NUDT7: variants seen among roughly 807,000 people sequenced by gnomAD.
NUDT7 encodes the protein nudix hydrolase 7.
In NUDT7, 19 loss-of-function variants were observed where a neutral mutation model predicts 13.1. The ratio of observed to expected loss-of-function variants is 1.45; its 90% CI spans 1.01 to 2.13. The LOEUF (loss-of-function observed/expected upper bound fraction) is 2.13, where lower values mean the gene tolerates loss of function less well. Among genes scored for constraint, NUDT7 ranks in the 30% most tolerant of loss-of-function variants. The pLI is 0.00. For missense variants in NUDT7, 360 were observed against 291.7 expected (o/e 1.23, Z -1.71); for synonymous variants, 132 against 109.7 (o/e 1.20, Z -1.27).
At chr16:77,729,235 A>C (rs2014237123) in intron 2 of NUDT7, among the ~76,000 whole-genome samples, 2 of 152,220 alleles carry the variant, frequency 1.3e-5, no homozygotes, top group Non-Finnish European at 2.9e-5. Flanking sequence ...TTTTTTAAAA[A>C]CAAAATTAAA....
chr16:77,735,148 C>G (rs914955983), intron 2 of NUDT7, among the ~76,000 whole-genome samples: 1 of 152,090 alleles, frequency 6.6e-6, no homozygotes. Flanking sequence ...ATTATTCTTT[C>G]AGCTTTTTCC....
Position 77,723,189 on chromosome 16 carries a change from T to C in NUDT7, c.35+572T>C, listed in dbSNP as rs144269959. 7.6e-3 allele frequency among the ~76,000 whole-genome samples: 1,153 copies of C among 152,294 alleles called. 21 individuals carry two copies. Among genetic ancestry groups the C allele is most frequent in the African/African-American group, 0.026 (1,088 of 41,562 alleles). ...GATAACGTTTTTGCAGCCTTTTACT[T>C]TGGCTGGTTTGTCTGGTCAGTTCTG... On this transcript the variant is annotated intron_variant, in intron 1 of 3. Transcript: ENST00000268533.
chr16:77,727,320 G>C (rs951222499), intron 2 of NUDT7, among the ~76,000 whole-genome samples: 4 of 152,066 alleles, frequency 2.6e-5, no homozygotes, highest in Non-Finnish European at 5.9e-5. Context: ...TTTTTAAGCA[G>C]AATAATGAAA....
At chr16:77,726,932 CAG>C (rs1287239793) in intron 2 of NUDT7, among the ~76,000 whole-genome samples, 1 of 146,278 alleles carries the variant, frequency 6.8e-6, no homozygotes, top group Non-Finnish European at 1.5e-5. Flanking sequence ...GGAAAGGCCT[CAG>C]GGAGTGTACC....
chr16:77,741,357 T>TTCA, intron 3 of NUDT7: 1 of 496,184 alleles, frequency 2.0e-6, no homozygotes, highest in Non-Finnish European at 3.5e-6. Context: ...CTACTTTATG[T>TTCA]TCATACAAGA....
intron 2 of NUDT7, among the ~76,000 whole-genome samples, chr16:77,732,752 T>C (rs1250097458): frequency 6.6e-6 from 1 of 152,202 alleles, no homozygotes; most frequent in African/African-American, 2.4e-5. Flanking sequence ...AATCGCCTAA[T>C]GCATTTTTCA....
rs765223808 is a variant in NUDT7, at chr16:77,725,591, G to C, written c.189+7G>C. 3.7e-6 allele frequency: 6 copies of C among 1,611,632 alleles called. No individual in the cohort carries two copies. The South Asian group carries it at 5.5e-5, about 15-fold the overall frequency. ...CACCGTCCGGTCAGAGAAGGTAGGT[G>C]GACAAAAAATTTCCTGCCCTTAAAC... On this transcript the variant is annotated splice_region_variant and intron_variant, in intron 2 of 3. Transcript: ENST00000268533.
At chr16:77,741,542 C>A in intron 3 of NUDT7, 40 bp from the exon 4 acceptor site, 2 of 1,535,438 alleles carry the variant, frequency 1.3e-6, no homozygotes, top group Non-Finnish European at 1.7e-6. Context: ...AGCAGTATCA[C>A]TTCACTTCTT....
intron 3 of NUDT7, among the ~76,000 whole-genome samples, chr16:77,741,214 C>G (rs1354643755): frequency 6.6e-6 from 1 of 152,126 alleles, no homozygotes; most frequent in Admixed American, 6.5e-5. Flanking sequence ...GTTGTTGAAA[C>G]TAATTCTTCA....
At chr16:77,730,479 C>G (rs553383439) in intron 2 of NUDT7, among the ~76,000 whole-genome samples, 2 of 152,150 alleles carry the variant, frequency 1.3e-5, no homozygotes, top group East Asian at 3.9e-4. Context: ...AATAATATTC[C>G]TCTCTGTATA....
intron 2 of NUDT7, among the ~76,000 whole-genome samples, chr16:77,728,675 G>A (rs75500862): frequency 0.013 from 1,990 of 152,324 alleles, 42 homozygotes; most frequent in African/African-American, 0.046. Context: ...GCATGCCATA[G>A]TGCTGCATGC....
rs2014685941 is a variant in NUDT7 at position 77,742,066 on chromosome 16, A to G, written c.*116A>G. 8 of 1,470,232 alleles carry G rather than the reference A, an allele frequency of 5.4e-6. No homozygotes were observed. The highest frequency in any genetic ancestry group is 7.1e-6 in the Non-Finnish European group (8 of 1,119,796). 91.1% of individuals were successfully genotyped at this position (1,470,232 alleles called of 1,614,324 possible). ...CAGGTGTGAATATTTTTTCTGCAGT[A>G]TGTAGTTAGAATCCTTGCCTCTTTT... On this transcript the variant is annotated 3_prime_UTR_variant, in exon 4 of 4. Coordinates refer to ENST00000268533, the MANE Select transcript of NUDT7 (RefSeq NM_001105663.3).
intron 3 of NUDT7, chr16:77,736,202 A>G: frequency 4.1e-6 from 2 of 492,004 alleles, no homozygotes; most frequent in South Asian, 3.5e-5. Flanking sequence ...CAGAAATAAA[A>G]GGGTTGAACT....
At chr16:77,735,142 T>C (rs2014437543) in intron 2 of NUDT7, among the ~76,000 whole-genome samples, 1 of 152,146 alleles carries the variant, frequency 6.6e-6, no homozygotes, top group South Asian at 2.1e-4. Flanking sequence ...CCTTACATTA[T>C]TCTTTCAGCT....
intron 1 of NUDT7, among the ~76,000 whole-genome samples, chr16:77,724,390 T>A (rs1463068452): frequency 6.6e-6 from 1 of 151,998 alleles, no homozygotes; most frequent in Non-Finnish European, 1.5e-5. Context: ...GCCTTCCAAG[T>A]AGCTGGGAAT....
rs1175157101 is a variant in NUDT7 at position 77,722,573 on chromosome 16, C to T, written c.-10C>T. The T allele has an allele frequency of 6.3e-7, 1 of 1,586,832 alleles. No individual in the cohort carries two copies. Among genetic ancestry groups the T allele is most frequent in the Non-Finnish European group, 8.6e-7 (1 of 1,165,730 alleles). ...AGGAGTCCGCCCGGAAACAAACATT[C>T]CCCAGGGCAATGTCACGACTTGGTC... On this transcript the variant is annotated 5_prime_UTR_variant, in exon 1 of 4. Coordinates refer to ENST00000268533, the MANE Select transcript of NUDT7 (RefSeq NM_001105663.3).
intron 2 of NUDT7, among the ~76,000 whole-genome samples, chr16:77,726,276 C>T (rs907379666): frequency 2.0e-5 from 3 of 152,166 alleles, no homozygotes; most frequent in Admixed American, 6.5e-5. Flanking sequence ...CTGCTTCATA[C>T]AGCTGCTATG....
chr16:77,736,627 CTTTT>C, intron 3 of NUDT7: 1 of 230,700 alleles, frequency 4.3e-6, no homozygotes, highest in Non-Finnish European at 9.2e-6. Flanking sequence ...ATCTTATTTT[CTTTT>C]TTATTTTTTT....
At chr16:77,725,345 A>C (rs1486545417) in intron 1 of NUDT7, 86 bp from the exon 2 acceptor site, 2 of 1,280,186 alleles carry the variant, frequency 1.6e-6, no homozygotes, top group Non-Finnish European at 1.1e-6. Flanking sequence ...CTAAATACAC[A>C]ACAAAGCAGA....
Sources: gnomAD v4.1 joint callset for allele counts (sites outside exome capture counted in the v4.1 genomes callset) on GRCh38, gnomAD v4.1.1 for gene constraint, MANE v1.5 for transcripts, NCBI Gene and HGNC (gene_info 2026-07-23, HGNC 2026-07-21) for gene names.